Variants in CLIP4 observed in about 807,000 individuals in gnomAD.
CLIP4 encodes CAP-Gly domain containing linker protein family member 4, also known as CAP-Gly domain-containing linker protein 4.
In CLIP4, 47 loss-of-function variants were observed where a neutral mutation model predicts 73.1. The observed-to-expected ratio is 0.64, with a 90% confidence interval of 0.51 to 0.82. CLIP4 has a LOEUF of 0.82. Among genes scored for constraint, CLIP4 ranks in the 40% least tolerant of loss-of-function variants. The pLI, the probability that CLIP4 is intolerant of heterozygous loss-of-function variation, is 0.00. For missense variants in CLIP4, 874 were observed against 852.9 expected (o/e 1.02, Z -0.31); for synonymous variants, 306 against 295.4 (o/e 1.04, Z -0.37).
chr2:29,145,417 G>T, intron 8 of CLIP4, 50 bp downstream of exon 8: 2 of 1,460,196 alleles, frequency 1.4e-6, no homozygotes, highest in Middle Eastern at 1.8e-4. Flanking sequence ...AAATAATCAA[G>T]TTTTACTCTT....
At position 29,157,243 on chromosome 2, in the gene CLIP4, C is replaced by G. The variant is rs1666984865; in HGVS notation, c.1295C>G (p.Ser432Cys). Residue 432 changes from serine (S) to cysteine (C), a missense_variant, in exon 11 of 16, where the codon TCT becomes TGT. Physicochemically the swap from Ser to Cys is moderately radical, Grantham distance 112. Coordinates refer to ENST00000320081, the MANE Select transcript of CLIP4 (RefSeq NM_024692.6). ...TCTGTCAGCAGCTGCTCCTCTACAT[C>G]TTCTTTGGAACACAGACAGAGCTAC... ...LGSVSSCSSTSSLEHRQSYPK... is the reference protein window; with the variant it reads ...LGSVSSCSSTCSLEHRQSYPK... 6.2e-7 allele frequency: 1 copy of G among 1,613,974 alleles called. No individual in the cohort carries two copies. Among genetic ancestry groups the G allele is most frequent in the African/African-American group, 1.3e-5 (1 of 74,916 alleles).
Position 29,121,508 on chromosome 2 carries a change from G to A in CLIP4, c.120G>A (p.Met40Ile), listed in dbSNP as rs762259658. The change falls in exon 2 of 16, where the codon ATG becomes ATA. Residue 40 changes from methionine (M) to isoleucine (I), a missense_variant. Met to Ile is a conservative substitution (Grantham distance 10, BLOSUM62 1). Transcript: ENST00000320081. ...PVIFSISAAP[M>I]PSDCEFSFFD... Reference sequence around the variant, plus strand: ...TCTTTTCCATTTCTGCAGCACCAATGCCTTCAGACTGTGGTATGTGAAGTA... The same window carrying A: ...TCTTTTCCATTTCTGCAGCACCAATACCTTCAGACTGTGGTATGTGAAGTA... 1 of 1,613,454 alleles carries A rather than the reference G, an allele frequency of 6.2e-7. No homozygotes were observed. Among genetic ancestry groups the A allele is most frequent in the Admixed American group, 1.7e-5 (1 of 59,936 alleles).
At chr2:29,173,515 A>C (rs916277930) in intron 14 of CLIP4, among the ~76,000 whole-genome samples, 5 of 152,216 alleles carry the variant, frequency 3.3e-5, no homozygotes, top group African/African-American at 1.2e-4. Flanking sequence ...TCTGGAATTC[A>C]GCGGAAAGCC....
intron 14 of CLIP4, among the ~76,000 whole-genome samples, chr2:29,169,374 T>TCC: frequency 7.1e-6 from 1 of 141,238 alleles, no homozygotes; most frequent in Non-Finnish European, 1.6e-5. Context: ...TGTGTGTGTG[T>TCC]GTCCCACTCT....
chr2:29,141,273 G>A (rs1370939966), intron 6 of CLIP4, among the ~76,000 whole-genome samples: 1 of 152,116 alleles, frequency 6.6e-6, no homozygotes, highest in East Asian at 1.9e-4. Context: ...TGTTCCATGT[G>A]CAAATGAGAA....
At chr2:29,155,015 C>T (rs902525930) in intron 9 of CLIP4, among the ~76,000 whole-genome samples, 1 of 152,042 alleles carries the variant, frequency 6.6e-6, no homozygotes, top group Non-Finnish European at 1.5e-5. Context: ...TTAAAATTAC[C>T]CAAAATATGA....
chr2:29,141,897 A>G (rs189411974), intron 6 of CLIP4, among the ~76,000 whole-genome samples: 16 of 152,142 alleles, frequency 1.1e-4, no homozygotes, highest in African/African-American at 3.9e-4. Context: ...AGTTGCTTTT[A>G]TGGAGTCTAT....
intron 12 of CLIP4, among the ~76,000 whole-genome samples, chr2:29,162,724 C>G (rs543434364): frequency 4.6e-5 from 7 of 152,090 alleles, no homozygotes; most frequent in Non-Finnish European, 7.4e-5. Flanking sequence ...AATGTGATGA[C>G]CTATGTTCAG....
At chr2:29,138,489 CT>C (rs545466027) in intron 6 of CLIP4, among the ~76,000 whole-genome samples, 2,616 of 140,428 alleles carry the variant, frequency 0.019, 47 homozygotes, top group East Asian at 0.05. Flanking sequence ...TATTTGGGCT[CT>C]TTTTTTTTTT....
At position 29,143,843 on chromosome 2, in the gene CLIP4, C is replaced by G. The variant is rs1294517466; in HGVS notation, c.783C>G (p.Ile261Met). ...LLDAVPLSCN[I>M]SKAMLPNYDH... is the part of the protein sequence containing the mutation. ...ATGCGGTGCCTCTGTCATGTAACAT[C>G]TCAAAGGCCATGCTCCCAAATTATG... Residue 261 changes from isoleucine (I) to methionine (M), a missense_variant, in exon 7 of 16, where the codon ATC becomes ATG. Ile to Met is a conservative substitution (Grantham distance 10, BLOSUM62 1). Coordinates refer to ENST00000320081, the MANE Select transcript of CLIP4 (RefSeq NM_024692.6). The G allele has an allele frequency of 1.2e-6, 2 of 1,614,040 alleles. No individual in the cohort carries two copies. The highest frequency in any genetic ancestry group is 8.5e-7 in the Non-Finnish European group (1 of 1,180,018).
Position 29,143,938 on chromosome 2 carries a change from G to C in CLIP4, c.878G>C (p.Gly293Ala), listed in dbSNP as rs1191773185. The C allele has an allele frequency of 5.0e-6, 8 of 1,613,910 alleles. No homozygotes were observed. Among genetic ancestry groups the C allele is most frequent in the Non-Finnish European group, 6.8e-6 (8 of 1,179,794 alleles). ...TTGGGGGATCGTGTTGTTATTGCAG[G>C]ACAGAAGGTACAGTAAGTAACTGCA... ...LKLGDRVVIA[G>A]QKVGTLRFCG... The change falls in exon 7 of 16, where the codon GGA becomes GCA. Residue 293 changes from glycine (G) to alanine (A), a missense_variant. Physicochemically the swap from Gly to Ala is moderately conservative, Grantham distance 60 (BLOSUM62 0). Transcript: ENST00000320081.
At chr2:29,138,892 T>A (rs1418172627) in intron 6 of CLIP4, among the ~76,000 whole-genome samples, 1 of 151,674 alleles carries the variant, frequency 6.6e-6, no homozygotes, top group African/African-American at 2.4e-5. Flanking sequence ...GTCTAGGAGG[T>A]TTTTTTTGGC....
chr2:29,113,526 G>A (rs1668435385), upstream of CLIP4, among the ~76,000 whole-genome samples: 1 of 152,200 alleles, frequency 6.6e-6, no homozygotes, highest in South Asian at 2.1e-4. The surrounding 1 kb of genome is among the most constrained non-coding windows in gnomAD (Gnocchi z 4.0). Context: ...GTATAAAGAA[G>A]TAACGTCAGA....
intron 1 of CLIP4, among the ~76,000 whole-genome samples, chr2:29,106,254 C>T (rs537148762): frequency 7.9e-5 from 12 of 152,240 alleles, no homozygotes; most frequent in East Asian, 3.9e-4. Context: ...CAATGCACAT[C>T]GCATAGTTTA....
In CLIP4 at chr2:29,115,986, C is replaced by T. The variant is rs763252317; in HGVS notation, c.-16+321C>T. Among the ~76,000 whole-genome samples, 3 of 152,182 alleles carry T rather than the reference C, an allele frequency of 2.0e-5. No homozygotes were observed. Among genetic ancestry groups the T allele is most frequent in the Non-Finnish European group, 4.4e-5 (3 of 68,018 alleles). On this transcript the variant is annotated intron_variant, in intron 1 of 15. Transcript: ENST00000320081. The surrounding 1 kb of genome is among the most constrained non-coding windows in gnomAD (Gnocchi z 5.1). ...GGCGGCGGAGCTGGGCTCTGGGCCA[C>T]GACCGCCAGCCGCGGCTGCCCCGAG...
At position 29,157,252 on chromosome 2, in the gene CLIP4, AAC is replaced by A; in HGVS notation, c.1308_1309del (p.His436GlnfsTer14). The A allele has an allele frequency of 6.2e-7, 1 of 1,614,056 alleles. No individual in the cohort carries two copies. The highest frequency in any genetic ancestry group is 8.5e-7 in the Non-Finnish European group (1 of 1,179,994). ...AGCTGCTCCTCTACATCTTCTTTGG[AAC>A]ACAGACAGAGCTACCCCAAGAAACA... On this transcript the variant is annotated frameshift_variant, in exon 11 of 16. Transcript: ENST00000320081. LOFTEE classifies it high-confidence loss of function.
chr2:29,108,249 C>T (rs922885084), intron 1 of CLIP4, among the ~76,000 whole-genome samples: 6 of 152,154 alleles, frequency 3.9e-5, no homozygotes, highest in Admixed American at 3.3e-4. Context: ...AACAATTATA[C>T]CAGCATCACT....
At chr2:29,157,036 A>G (rs78095208) in intron 10 of CLIP4, among the ~76,000 whole-genome samples, 168 bp from the exon 11 acceptor site, 1,899 of 152,332 alleles carry the variant, frequency 0.012, 35 homozygotes, top group African/African-American at 0.043. Flanking sequence ...AATCTTTTAT[A>G]TATAAACTAC....
At chr2:29,178,031 CT>C (rs1668443985) in intron 15 of CLIP4, among the ~76,000 whole-genome samples, 1 of 152,002 alleles carries the variant, frequency 6.6e-6, no homozygotes. Context: ...TCTTTAAAAG[CT>C]TTTTTGTTTA....
Sources: allele counts gnomAD v4.1 joint callset (sites outside exome capture counted in the v4.1 genomes callset), GRCh38; gene constraint gnomAD v4.1.1; non-coding constraint Gnocchi (gnomAD v3.1); transcripts MANE v1.5; gene names NCBI Gene and HGNC (gene_info 2026-07-23, HGNC 2026-07-21).